Variants in SLC28A1 observed in about 807,000 individuals in gnomAD.
SLC28A1 encodes the protein solute carrier family 28 member 1, also known as sodium/nucleoside cotransporter 1.
In SLC28A1, 64 loss-of-function variants were observed where a neutral mutation model predicts 74.8. The ratio of observed to expected loss-of-function variants is 0.86; its 90% CI spans 0.70 to 1.05. The LOEUF is 1.05. SLC28A1 is among the 50% of genes least tolerant of loss of function. The pLI is 0.00. For missense variants in SLC28A1, 828 were observed against 822.8 expected, an observed-to-expected ratio of 1.01 and a Z score of -0.08; for synonymous variants, 359 against 335.0, an observed-to-expected ratio of 1.07 and a Z score of -0.78.
chr15:84,911,935 T>C (rs1046157105), intron 9 of SLC28A1, among the ~76,000 whole-genome samples: 1 of 151,238 alleles, frequency 6.6e-6, no homozygotes, highest in African/African-American at 2.4e-5. Context: ...TGAAGTTGAA[T>C]GTTCGGTTAA....
chr15:84,906,297 G>T (rs1360077888), intron 8 of SLC28A1, among the ~76,000 whole-genome samples: 1 of 151,522 alleles, frequency 6.6e-6, no homozygotes, highest in Non-Finnish European at 1.5e-5. Context: ...TGGGATTACA[G>T]GTGTAAGCCA....
chr15:84,924,535 C>T (rs1463690567), intron 12 of SLC28A1, among the ~76,000 whole-genome samples: 1 of 152,168 alleles, frequency 6.6e-6, no homozygotes, highest in Non-Finnish European at 1.5e-5. Flanking sequence ...CCCACACTCT[C>T]TCTGGGCTCA....
chr15:84,905,726 GA>G lies in SLC28A1; in HGVS notation c.717+78del, dbSNP rs1966996803. On this transcript the variant is annotated intron_variant, in intron 8 of 18. Coordinates refer to ENST00000394573, the MANE Select transcript of SLC28A1 (RefSeq NM_004213.5). Reference sequence around the variant, plus strand: ...TAGGGGAGAAGCCACTTGGCAGGGGGAAAAGTGGGTGGTGAGGCCATAGAGA... The same window carrying G: ...TAGGGGAGAAGCCACTTGGCAGGGGGAAAGTGGGTGGTGAGGCCATAGAGA... 6.5e-5 allele frequency: 74 copies of G among 1,131,058 alleles called. No individual in the cohort carries two copies. The South Asian group carries it at 8.4e-4, about 13-fold the overall frequency. 70.1% of individuals were successfully genotyped at this position (1,131,058 alleles called of 1,614,324 possible). A position where few individuals can be genotyped will look rare whatever the true frequency, so the allele number is the denominator to read the frequency against.
the SLC28A1 span, among the ~76,000 whole-genome samples, chr15:84,960,209 A>G: frequency 2.6e-5 from 3 of 116,108 alleles, no homozygotes; most frequent in Non-Finnish European, 1.7e-5. Flanking sequence ...AACATTTTCC[A>G]CTCCCCTGTG....
chr15:84,924,308 A>G (rs1970223063), intron 12 of SLC28A1, among the ~76,000 whole-genome samples, 198 bp downstream of exon 12: 1 of 151,928 alleles, frequency 6.6e-6, no homozygotes, highest in African/African-American at 2.4e-5. Context: ...CCTGGGGCAA[A>G]GCTTCCTGGT....
At chr15:84,886,828 G>A in intron 2 of SLC28A1, 41 bp downstream of exon 2, 1 of 943,328 alleles carries the variant, frequency 1.1e-6, no homozygotes, top group Non-Finnish European at 1.3e-6. Context: ...GCGCTGCTGT[G>A]CGTCTGTGTG....
At chr15:84,924,905 TGTTTG>T (rs754836056) in intron 12 of SLC28A1, among the ~76,000 whole-genome samples, 6 of 144,436 alleles carry the variant, frequency 4.2e-5, no homozygotes, top group Admixed American at 1.4e-4. Context: ...TAATTTTTTT[TGTTTG>T]TTTGTTTTTG....
At chr15:84,966,739 C>T in the SLC28A1 span, among the ~76,000 whole-genome samples, 1 of 152,154 alleles carries the variant, frequency 6.6e-6, no homozygotes, top group South Asian at 2.1e-4. Flanking sequence ...ACCATCAGAT[C>T]GTGTGAGTCT....
intron 8 of SLC28A1, among the ~76,000 whole-genome samples, chr15:84,906,544 CTTTCTTTCTTTCTTTCTTTCTCTTTCTTT>C (rs1567140042): frequency 1.3e-4 from 8 of 63,312 alleles, no homozygotes; most frequent in African/African-American, 3.3e-4. Flanking sequence ...TTCTTTCTTT[CTTTCTTTCTTTCTTTCTTTCTCTTTCTTT>C]CTTCCTTCCT....
intron 8 of SLC28A1, 126 bp from the exon 9 acceptor site, chr15:84,908,592 C>T: frequency 1.3e-6 from 1 of 768,676 alleles, no homozygotes; most frequent in Admixed American, 2.0e-5. Context: ...GTGGTGCCCC[C>T]CCCCGGATAA....
chr15:84,899,645 T>C (rs1966383976), intron 6 of SLC28A1, among the ~76,000 whole-genome samples: 1 of 152,120 alleles, frequency 6.6e-6, no homozygotes, highest in Admixed American at 6.5e-5. Flanking sequence ...TCTTTACCAG[T>C]GAAATGTATT....
At chr15:84,925,266 CCA>C in intron 12 of SLC28A1, among the ~76,000 whole-genome samples, 1 of 151,796 alleles carries the variant, frequency 6.6e-6, no homozygotes, top group African/African-American at 2.4e-5. Flanking sequence ...AAAGTGGGGT[CCA>C]TGGACCAGCA....
At chr15:84,916,071 T>G (rs1275587680) in intron 9 of SLC28A1, among the ~76,000 whole-genome samples, 2 of 151,762 alleles carry the variant, frequency 1.3e-5, no homozygotes, top group East Asian at 3.9e-4. Flanking sequence ...CAAGCGATTC[T>G]CATGCCTCAG....
chr15:84,930,614 C>CTTTTT (rs10609233), intron 12 of SLC28A1, among the ~76,000 whole-genome samples: 2 of 103,502 alleles, frequency 1.9e-5, no homozygotes, highest in African/African-American at 4.1e-5. Flanking sequence ...CTGCCCTCTG[C>CTTTTT]TTTTTTTTTT....
At chr15:84,952,551 A>G in the SLC28A1 span, among the ~76,000 whole-genome samples, 4 of 152,212 alleles carry the variant, frequency 2.6e-5, no homozygotes, top group African/African-American at 9.7e-5. Context: ...CAAAGGACAC[A>G]TTTTTATCCC....
intron 4 of SLC28A1, 111 bp downstream of exon 4, chr15:84,888,971 T>C (rs1053259977): frequency 3.4e-5 from 26 of 773,442 alleles, no homozygotes; most frequent in Middle Eastern, 2.6e-4. Flanking sequence ...TGAACCTTTG[T>C]TGAAGGGAGG....
chr15:84,913,339 G>A (rs1475028130), intron 9 of SLC28A1, among the ~76,000 whole-genome samples: 1 of 152,042 alleles, frequency 6.6e-6, no homozygotes, highest in Non-Finnish European at 1.5e-5. Flanking sequence ...TAGAAAGTCA[G>A]CAGGAGCCCT....
At chr15:84,959,049 G>A in the SLC28A1 span, among the ~76,000 whole-genome samples, 3 of 139,546 alleles carry the variant, frequency 2.1e-5, no homozygotes, top group Non-Finnish European at 3.1e-5. Context: ...GCAGTGAGCC[G>A]AGATTGCGCC....
At chr15:84,897,254 T>C (rs1966106470) in intron 6 of SLC28A1, among the ~76,000 whole-genome samples, 1 of 147,526 alleles carries the variant, frequency 6.8e-6, no homozygotes, top group Non-Finnish European at 1.5e-5. Flanking sequence ...AGTGTGGTGG[T>C]ACGCGCCTGT....
Sources: allele counts gnomAD v4.1 joint callset (sites outside exome capture counted in the v4.1 genomes callset), GRCh38; gene constraint gnomAD v4.1.1; transcripts MANE v1.5; gene names NCBI Gene and HGNC (gene_info 2026-07-23, HGNC 2026-07-21).